The following PAWR variants were observed in gnomAD, a reference collection of about 807,000 sequenced individuals.
The protein encoded by PAWR is PRKC apoptosis WT1 regulator protein.
PAWR carries 23 observed loss-of-function variants against 32.0 expected under a neutral mutation model. The ratio of observed to expected loss-of-function variants is 0.72; its 90% CI spans 0.52 to 1.02. The LOEUF (loss-of-function observed/expected upper bound fraction) is 1.02. Ranked by LOEUF, PAWR falls within the 50% of genes least tolerant of loss-of-function variation. The pLI is 0.00. For missense variants in PAWR, 457 were observed against 437.7 expected (o/e 1.04, Z -0.39); for synonymous variants, 226 against 187.1 (o/e 1.21, Z -1.70).
At chr12:79,673,493 A>C (rs1209833286) in intron 2 of PAWR, among the ~76,000 whole-genome samples, 1 of 152,220 alleles carries the variant, frequency 6.6e-6, no homozygotes, top group African/African-American at 2.4e-5. Context: ...GTTTCACCTG[A>C]GCCTTGCTTA....
rs1366273706 is a variant in PAWR at position 79,586,637 on chromosome 12, C to T, written c.*5970G>A. On this transcript the variant is annotated 3_prime_UTR_variant, in exon 7 of 7. Transcript: ENST00000328827. ...TGAATAACATACACAGCAGTCAAAACTTACTGTTTTTCATATGTGTAAAGT... is the reference window on the plus strand; with the variant it reads ...TGAATAACATACACAGCAGTCAAAATTTACTGTTTTTCATATGTGTAAAGT... 1.3e-5 allele frequency: 2 copies of T among 152,092 alleles called. No individual in the cohort carries two copies. The highest frequency in any genetic ancestry group is 2.4e-5 in the African/African-American group (1 of 41,376). 9.4% of individuals were successfully genotyped at this position (152,092 alleles called of 1,614,324 possible). A position where few individuals can be genotyped will look rare whatever the true frequency, so the allele number is the denominator to read the frequency against.
Position 79,622,847 on chromosome 12 carries a change from G to T in PAWR, c.517-1640C>A, listed in dbSNP as rs534081628. 3.3e-3 allele frequency among the ~76,000 whole-genome samples: 500 copies of T among 152,266 alleles called. 3 individuals carry two copies. Among genetic ancestry groups the T allele is most frequent in the Non-Finnish European group, 4.6e-3 (315 of 68,020 alleles). ...CCCAGGAGACTAGTATCTTTTGCCA[G>T]CATACACAAGCTAACGTGTTAGCCA... On this transcript the variant is annotated intron_variant, in intron 2 of 6. Coordinates refer to ENST00000328827, the MANE Select transcript of PAWR (RefSeq NM_002583.4).
intron 4 of PAWR, among the ~76,000 whole-genome samples, chr12:79,598,142 T>C (rs777706642): frequency 9.2e-5 from 14 of 152,224 alleles, no homozygotes; most frequent in Non-Finnish European, 1.8e-4. Flanking sequence ...ACTATCACAC[T>C]GACCTTATTC....
intron 2 of PAWR, among the ~76,000 whole-genome samples, chr12:79,668,992 AAAAC>A (rs1877753919): frequency 6.6e-6 from 1 of 152,246 alleles, no homozygotes; most frequent in Non-Finnish European, 1.5e-5. Flanking sequence ...AAAACAGTTC[AAAAC>A]AAACAAAGCT....
intron 2 of PAWR, among the ~76,000 whole-genome samples, chr12:79,657,554 G>A (rs1249445607): frequency 2.0e-5 from 3 of 152,202 alleles, no homozygotes; most frequent in Admixed American, 6.5e-5. Flanking sequence ...CACTTTGGGA[G>A]GCTGAGGCGG....
chr12:79,634,880 A>T (rs1021374956), intron 2 of PAWR, among the ~76,000 whole-genome samples: 4 of 151,480 alleles, frequency 2.6e-5, no homozygotes, highest in African/African-American at 7.3e-5. Context: ...TTTTTACATA[A>T]TTTTTTTTTA....
intron 2 of PAWR, among the ~76,000 whole-genome samples, chr12:79,629,757 G>A (rs886513955): frequency 6.6e-6 from 1 of 152,016 alleles, no homozygotes; most frequent in African/African-American, 2.4e-5. Context: ...CAGGATTTGT[G>A]CAAACATAAG....
At chr12:79,690,412 G>A (rs1592565473) in intron 1 of PAWR, 21 bp from the exon 2 acceptor site, 6 of 1,299,430 alleles carry the variant, frequency 4.6e-6, no homozygotes, top group Middle Eastern at 2.9e-4. Context: ...AGACAAAAGG[G>A]GGCGGGTAAG....
At chr12:79,681,130 AG>A (rs1397337386) in intron 2 of PAWR, among the ~76,000 whole-genome samples, 5 of 2,648 alleles carry the variant, frequency 1.9e-3, no homozygotes, top group Admixed American at 4.7e-3. Context: ...AGAAGAAGGG[AG>A]GGGAGGGGAG....
At chr12:79,670,504 T>C (rs1204171046) in intron 2 of PAWR, among the ~76,000 whole-genome samples, 2 of 152,168 alleles carry the variant, frequency 1.3e-5, no homozygotes, top group Admixed American at 6.5e-5. Context: ...AAATTCTTCA[T>C]AGAAAAATCA....
intron 2 of PAWR, among the ~76,000 whole-genome samples, chr12:79,666,155 T>C (rs1323892809): frequency 6.6e-6 from 1 of 152,130 alleles, no homozygotes; most frequent in East Asian, 1.9e-4. Flanking sequence ...CCTTCACTTG[T>C]TAAGTGGAGG....
At chr12:79,635,247 A>G (rs546755568) in intron 2 of PAWR, among the ~76,000 whole-genome samples, 2 of 152,224 alleles carry the variant, frequency 1.3e-5, no homozygotes, top group East Asian at 3.9e-4. Context: ...TAGGGTTAGT[A>G]TCTTCTCCAA....
intron 2 of PAWR, among the ~76,000 whole-genome samples, chr12:79,680,568 A>G (rs1040989769): frequency 6.6e-6 from 1 of 152,144 alleles, no homozygotes; most frequent in African/African-American, 2.4e-5. Context: ...CTCCATTTTC[A>G]CATATGCCCT....
At chr12:79,619,459 G>C (rs1469419166) in intron 3 of PAWR, among the ~76,000 whole-genome samples, 1 of 152,136 alleles carries the variant, frequency 6.6e-6, no homozygotes, top group Non-Finnish European at 1.5e-5. Flanking sequence ...ATATCCTGAA[G>C]TTGCTAAGCT....
In PAWR at chr12:79,690,012, G is replaced by C. The variant is rs8176805; in HGVS notation, c.233C>G (p.Pro78Arg). 72,431 of 1,300,706 alleles carry C rather than the reference G, an allele frequency of 0.056. 13,576 individuals are homozygous for C. The African/African-American group carries it at 0.61, about 11-fold the overall frequency. The allele number at this position is 1,300,706 out of a possible 1,614,324, so 80.6% of individuals were successfully genotyped here. A position where few individuals can be genotyped will look rare whatever the true frequency, so the allele number is the denominator to read the frequency against. The change falls in exon 2 of 7, where the codon CCG becomes CGG. Residue 78 changes from proline (P) to arginine (R), a missense_variant. Pro to Arg is a moderately radical substitution (Grantham distance 103). Transcript: ENST00000328827. Reference protein sequence around the residue: ...ELNNNLPGGAPAAPAVPGPGG... With the variant: ...ELNNNLPGGARAAPAVPGPGG... ...GGGACCGGGGACGGCAGGTGCGGCC[G>C]GCGCGCCGCCCGGGAGGTTGTTGTT...
At position 79,639,875 on chromosome 12, in the gene PAWR, TATTCCTATTCC is replaced by T. The variant is rs1318342806; in HGVS notation, c.517-18679_517-18669del. The stretch of plus-strand genomic sequence containing the variant: ...CTATTCCTATTCCTATTCCTATTCC[TATTCCTATTCC>T]ATTCCATTCCATTCCATTCCATTCC... On this transcript the variant is annotated intron_variant, in intron 2 of 6. Transcript: ENST00000328827. Among the ~76,000 whole-genome samples, 671 of 92,284 alleles carry T rather than the reference TATTCCTATTCC, an allele frequency of 7.3e-3. 3 individuals are homozygous for T. The highest frequency in any genetic ancestry group is 0.015 in the South Asian group (51 of 3,326). 60.5% of individuals were successfully genotyped at this position (92,284 alleles called of 152,430 possible). A position where few individuals can be genotyped will look rare whatever the true frequency, so the allele number is the denominator to read the frequency against.
chr12:79,637,533 T>C (rs1027725259), intron 2 of PAWR, among the ~76,000 whole-genome samples: 33 of 131,230 alleles, frequency 2.5e-4, no homozygotes, highest in East Asian at 4.1e-4. Context: ...AACAACAACA[T>C]TGAACATTAA....
chr12:79,632,332 T>TATAC (rs1875709841), intron 2 of PAWR, among the ~76,000 whole-genome samples: 1 of 48,774 alleles, frequency 2.1e-5, no homozygotes. Flanking sequence ...TATATATATA[T>TATAC]ATATATATAT....
rs1277949384 is a variant in PAWR at position 79,591,552 on chromosome 12, T to C, written c.*1055A>G. ...TAGAAGAAAAAATCTGTATAATTATTTAGAAGTAACTCTGTTTTTAAAATT... is the reference window on the plus strand; with the variant it reads ...TAGAAGAAAAAATCTGTATAATTATCTAGAAGTAACTCTGTTTTTAAAATT... On this transcript the variant is annotated 3_prime_UTR_variant, in exon 7 of 7. Transcript: ENST00000328827. 1 of 152,118 alleles carries C rather than the reference T, an allele frequency of 6.6e-6. No individual in the cohort carries two copies. Among genetic ancestry groups the C allele is most frequent in the Non-Finnish European group, 1.5e-5 (1 of 68,008 alleles). 9.4% of individuals were successfully genotyped at this position (152,118 alleles called of 1,614,324 possible). A position where few individuals can be genotyped will look rare whatever the true frequency, so the allele number is the denominator to read the frequency against.
Sources: gnomAD v4.1 joint callset for allele counts (sites outside exome capture counted in the v4.1 genomes callset) on GRCh38, gnomAD v4.1.1 for gene constraint, MANE v1.5 for transcripts, NCBI Gene and HGNC (gene_info 2026-07-23, HGNC 2026-07-21) for gene names.